The following PSMC3IP variants were observed in gnomAD, a reference collection of about 807,000 sequenced individuals.
PSMC3IP encodes PSMC3 interacting protein, also known as homologous-pairing protein 2 homolog.
Under a neutral mutation model 34.9 loss-of-function variants are expected in PSMC3IP, and 26 were observed. The ratio of observed to expected loss-of-function variants is 0.74; its 90% CI spans 0.55 to 1.03. The LOEUF is 1.03. Among genes scored for constraint, PSMC3IP ranks in the 50% least tolerant of loss-of-function variants. The pLI, the probability that PSMC3IP is intolerant of heterozygous loss-of-function variation, is 0.00. For synonymous variants in PSMC3IP, 87 were observed against 96.5 expected (o/e 0.90, Z 0.57); for missense variants, 250 against 263.1 (o/e 0.95, Z 0.34).
In PSMC3IP at chr17:42,572,825, T is replaced by G. The variant is rs2093042871; in HGVS notation, c.*143A>C. The stretch of plus-strand genomic sequence containing the variant: ...CATCCTCTCTACCCAGTGCTCTGGT[T>G]TATGCTTGTCTCCTGACTGCTCTGC... On this transcript the variant is annotated 3_prime_UTR_variant, in exon 8 of 8. Transcript: ENST00000393795. The G allele has an allele frequency of 4.0e-6, 4 of 1,001,050 alleles. No individual in the cohort carries two copies. The East Asian group carries it at 1.0e-4, about 25-fold the overall frequency. 62.0% of individuals were successfully genotyped at this position (1,001,050 alleles called of 1,614,324 possible).
intron 3 of PSMC3IP, among the ~76,000 whole-genome samples, chr17:42,575,606 C>T (rs1024360161): frequency 1.3e-5 from 2 of 152,044 alleles, no homozygotes; most frequent in African/African-American, 2.4e-5. Flanking sequence ...TTAGATACTG[C>T]GGAGGTGCTG....
intron 3 of PSMC3IP, among the ~76,000 whole-genome samples, chr17:42,576,309 A>G (rs2093075284): frequency 6.6e-6 from 1 of 152,242 alleles, no homozygotes; most frequent in African/African-American, 2.4e-5. Context: ...TGTTTTTTGC[A>G]GCACTAGAGA....
At position 42,574,169 on chromosome 17, in the gene PSMC3IP, T is replaced by G. The variant is rs143667113; in HGVS notation, c.267A>C (p.Leu89=). The G allele has an allele frequency of 1.2e-6, 2 of 1,614,064 alleles. No homozygotes were observed. Among genetic ancestry groups the G allele is most frequent in the African/African-American group, 2.7e-5 (2 of 74,928 alleles). The change falls in exon 4 of 8, where the codon CTA becomes CTC. Residue 89 remains leucine, a synonymous_variant. Transcript: ENST00000393795. ...DMVSDADLQV[L]DGKIVALTAK... is the part of the protein sequence containing the mutation. ...CAGTGAGGGCCACGATTTTGCCATC[T>G]AGGACTTGAAGGTCAGCATCACTCA...
chr17:42,576,603 A>T (rs937521740), intron 3 of PSMC3IP: 1 of 164,078 alleles, frequency 6.1e-6, no homozygotes, highest in Admixed American at 5.7e-5. Context: ...AGTTGGGACC[A>T]ACCTGGGCAG....
intron 6 of PSMC3IP, 56 bp downstream of exon 6, chr17:42,573,255 G>A: frequency 6.2e-7 from 1 of 1,613,902 alleles, no homozygotes; most frequent in East Asian, 2.2e-5. Flanking sequence ...CTGATCTGGT[G>A]CCTGCCATTT....
At chr17:42,577,779 A>G (rs1478869905), upstream of PSMC3IP, 2 of 1,490,514 alleles carry the variant, frequency 1.3e-6, no homozygotes, top group Non-Finnish European at 1.9e-6. Flanking sequence ...TCGAACGGTG[A>G]TTGGCTGAAG....
chr17:42,574,282 G>T, intron 3 of PSMC3IP, 72 bp from the exon 4 acceptor site: 1 of 1,561,958 alleles, frequency 6.4e-7, no homozygotes, highest in African/African-American at 1.4e-5. Context: ...ACCTGGGAAG[G>T]CACCATTTGG....
In PSMC3IP at chr17:42,577,672, C is replaced by G; in HGVS notation, c.15G>C (p.Arg5=). 1.2e-6 allele frequency: 2 copies of G among 1,614,150 alleles called. No homozygotes were observed. MSKG[R]AEAAAGAAGI... ...CGTTACCTCCCGCCGCAGCTTCTGC[C>G]CGGCCTTTACTCATCGCCTTTCCCG... Residue 5 remains arginine (R), a synonymous_variant, in exon 1 of 8, where the codon CGG becomes CGC. Transcript: ENST00000393795.
At chr17:42,574,462 G>C in intron 3 of PSMC3IP, 1 of 1,046,700 alleles carries the variant, frequency 9.6e-7, no homozygotes, top group Admixed American at 3.3e-5. Flanking sequence ...ACAGGATACT[G>C]ATTAGGACAG....
chr17:42,576,533 T>C (rs2093076762), intron 3 of PSMC3IP: 1 of 154,878 alleles, frequency 6.5e-6, no homozygotes, highest in Non-Finnish European at 1.4e-5. Context: ...GGCTCTGTGG[T>C]TCACGCCTGT....
At chr17:42,575,297 C>G (rs977356591) in intron 3 of PSMC3IP, among the ~76,000 whole-genome samples, 4 of 152,190 alleles carry the variant, frequency 2.6e-5, no homozygotes, top group African/African-American at 9.7e-5. Flanking sequence ...CTGCCAGATG[C>G]ATGTTTTTGA....
chr17:42,574,893 A>G (rs1478634135), intron 3 of PSMC3IP, among the ~76,000 whole-genome samples: 1 of 152,170 alleles, frequency 6.6e-6, no homozygotes, highest in Admixed American at 6.5e-5. Flanking sequence ...AGCTGGGATT[A>G]CAGGCGCGCA....
At chr17:42,575,702 C>T (rs1239620487) in intron 3 of PSMC3IP, among the ~76,000 whole-genome samples, 1 of 152,058 alleles carries the variant, frequency 6.6e-6, no homozygotes, top group Admixed American at 6.6e-5. Flanking sequence ...TGTAATACAG[C>T]ATGCCTCAAA....
At chr17:42,574,727 C>T (rs1480825371) in intron 3 of PSMC3IP, among the ~76,000 whole-genome samples, 4 of 21,280 alleles carry the variant, frequency 1.9e-4, no homozygotes, top group African/African-American at 2.2e-4. Flanking sequence ...TTCCCCCTCC[C>T]TTTCCCTCTC....
rs200359709 is a variant in PSMC3IP at position 42,577,710 on chromosome 17, G to C, written c.-24C>G. 12 of 1,613,822 alleles carry C rather than the reference G, an allele frequency of 7.4e-6. No individual in the cohort carries two copies. Among genetic ancestry groups the C allele is most frequent in the Non-Finnish European group, 1.0e-5 (12 of 1,179,860 alleles). On this transcript the variant is annotated 5_prime_UTR_variant, in exon 1 of 8. Transcript: ENST00000393795. Reference sequence around the variant, plus strand: ...ATCGCCTTTCCCGCCACCCAACTCAGAAAGCCGGACGTTGTAGTTGCTCGG... The same window carrying C: ...ATCGCCTTTCCCGCCACCCAACTCACAAAGCCGGACGTTGTAGTTGCTCGG...
intron 3 of PSMC3IP, among the ~76,000 whole-genome samples, chr17:42,575,719 A>G (rs1328102527): frequency 2.0e-5 from 3 of 152,072 alleles, no homozygotes; most frequent in Non-Finnish European, 4.4e-5. Context: ...CAAAAGAGGT[A>G]AGGGCCAGGC....
chr17:42,574,357 C>CTT, intron 3 of PSMC3IP, 147 bp from the exon 4 acceptor site: 1 of 1,490,226 alleles, frequency 6.7e-7, no homozygotes, highest in Non-Finnish European at 8.9e-7. Context: ...TGGGAGAGTA[C>CTT]TTTTGAGAAA....
At position 42,573,155 on chromosome 17, in the gene PSMC3IP, C is replaced by T. The variant is rs146962353; in HGVS notation, c.549G>A (p.Leu183=). 1.9e-5 allele frequency: 30 copies of T among 1,614,118 alleles called. No homozygotes were observed. In the African/African-American group the frequency reaches 3.9e-4, roughly 21 times the overall value. The part of the protein sequence containing the change: ...WRKRKRMATE[L]SDAILEGYPK... ...GGTATCCTTCAAGTATTGCATCAGA[C>T]AGCTCTGTAGCCTGACAAGAAATAA... is the stretch of plus-strand genomic sequence containing the variant. The change falls in exon 7 of 8, where the codon CTG becomes CTA. Residue 183 remains leucine (L), a synonymous_variant. Coordinates refer to ENST00000393795, the MANE Select transcript of PSMC3IP (RefSeq NM_016556.4).
At position 42,577,650 on chromosome 17, in the gene PSMC3IP, T is replaced by C. The variant is rs1264935112; in HGVS notation, c.34+3A>G. ...GTCTTCCCCGCGCCCACGGCGCCGT[T>C]ACCTCCCGCCGCAGCTTCTGCCCGG... On this transcript the variant is annotated splice_donor_region_variant and intron_variant, in intron 1 of 7. Coordinates refer to ENST00000393795, the MANE Select transcript of PSMC3IP (RefSeq NM_016556.4). The C allele has an allele frequency of 1.4e-5, 22 of 1,614,122 alleles. No individual in the cohort carries two copies. Among genetic ancestry groups the C allele is most frequent in the Non-Finnish European group, 1.8e-5 (21 of 1,180,010 alleles).
Sources: allele counts gnomAD v4.1 joint callset (sites outside exome capture counted in the v4.1 genomes callset), GRCh38; gene constraint gnomAD v4.1.1; transcripts MANE v1.5; gene names NCBI Gene and HGNC (gene_info 2026-07-23, HGNC 2026-07-21).